ELN: variants seen among roughly 807,000 people sequenced by gnomAD.
The protein encoded by ELN is tropoelastin.
Under a neutral mutation model 105.8 loss-of-function variants are expected in ELN, and 65 were observed. The ratio of observed to expected loss-of-function variants is 0.61; its 90% CI spans 0.50 to 0.75. The LOEUF (loss-of-function observed/expected upper bound fraction) is 0.75, where lower values mean the gene tolerates loss of function less well. ELN is among the 30% of genes least tolerant of loss of function. ELN has a pLI of 0.00. For missense variants in ELN, 882 were observed against 969.4 expected (o/e 0.91, Z 1.20); for synonymous variants, 368 against 389.2 (o/e 0.95, Z 0.64).
intron 29 of ELN, among the ~76,000 whole-genome samples, chr7:74,064,526 G>A (rs183970956): frequency 8.6e-5 from 13 of 152,004 alleles, no homozygotes; most frequent in African/African-American, 3.1e-4. Flanking sequence ...TGAGACAGGA[G>A]AATCACTTGA....
At chr7:74,056,818 T>C (rs1401272057) in intron 21 of ELN, 105 bp downstream of exon 21, 6 of 1,486,314 alleles carry the variant, frequency 4.0e-6, no homozygotes, top group Middle Eastern at 1.7e-4. Flanking sequence ...TGAAATGGCC[T>C]GGACCAAGGT....
intron 19 of ELN, 40 bp downstream of exon 19, chr7:74,054,809 G>A (rs782771734): frequency 2.0e-5 from 32 of 1,611,124 alleles, no homozygotes; most frequent in Non-Finnish European, 2.4e-5. Flanking sequence ...CCCTGTCCTG[G>A]CCTTTACTTG....
At chr7:74,061,394 G>A (rs1170387743) in intron 26 of ELN, among the ~76,000 whole-genome samples, 1 of 152,174 alleles carries the variant, frequency 6.6e-6, no homozygotes, top group Non-Finnish European at 1.5e-5. Context: ...GCGGGCACCT[G>A]TAATCCCAGC....
rs782551181 is a variant in ELN, at chr7:74,063,687, G to A, written c.1985G>A (p.Gly662Asp). 3.1e-6 allele frequency: 5 copies of A among 1,614,172 alleles called. No individual in the cohort carries two copies. The highest frequency in any genetic ancestry group is 2.2e-5 in the South Asian group (2 of 91,086). The change falls in exon 29 of 33, where the codon GGC (glycine) becomes GAC (aspartate). Residue 662 changes from glycine (G) to aspartate (D), a missense_variant. Gly to Asp is a moderately conservative substitution (Grantham distance 94). Coordinates refer to ENST00000252034, the MANE Select transcript of ELN (RefSeq NM_000501.4). This position sits in a 1 kb window ranked among gnomAD's most constrained non-coding sequence, Gnocchi z 4.1. ...VGGLGVPGVG[G>D]LGGIPPAAAA... ...GGGCTTGGAGTTCCAGGTGTTGGGG[G>A]CCTTGGAGGTGAGAGTTGTTCTGAA... is the stretch of plus-strand genomic sequence containing the variant.
In ELN at chr7:74,068,871, C is replaced by A. The variant is rs781941957; in HGVS notation, c.*171C>A. ...ACAGGGCAAGGAAACAAGAGGGGAGCGGCCAAGTGCCCCGACCAGGAGGCC... is the reference window on the plus strand; with the variant it reads ...ACAGGGCAAGGAAACAAGAGGGGAGAGGCCAAGTGCCCCGACCAGGAGGCC... On this transcript the variant is annotated 3_prime_UTR_variant, in exon 33 of 33. Transcript: ENST00000252034. 4 of 776,546 alleles carry A rather than the reference C, an allele frequency of 5.2e-6. No individual in the cohort carries two copies. In the African/African-American group the frequency reaches 6.8e-5, roughly 13 times the overall value. The allele number at this position is 776,546 out of a possible 1,614,324, so 48.1% of individuals were successfully genotyped here. A position where few individuals can be genotyped will look rare whatever the true frequency, so the allele number is the denominator to read the frequency against.
intron 3 of ELN, 96 bp downstream of exon 3, chr7:74,036,680 G>A: frequency 6.5e-7 from 1 of 1,547,666 alleles, no homozygotes; most frequent in Non-Finnish European, 8.9e-7. Context: ...GGAGACCCGA[G>A]CATCAAGGAC....
chr7:74,049,265 T>C (rs1297303773), intron 15 of ELN, among the ~76,000 whole-genome samples: 1 of 150,758 alleles, frequency 6.6e-6, no homozygotes, highest in African/African-American at 2.5e-5. Flanking sequence ...CATCCATCCA[T>C]CCACTTATCC....
intron 4 of ELN, among the ~76,000 whole-genome samples, chr7:74,039,907 T>A (rs1297779271): frequency 8.5e-5 from 13 of 152,192 alleles, no homozygotes; most frequent in African/African-American, 2.9e-4. Context: ...AATCTAGAAC[T>A]CTCTGACTCT....
intron 9 of ELN, 119 bp from the exon 10 acceptor site, chr7:74,045,103 T>C (rs1390696454): frequency 8.9e-6 from 10 of 1,121,436 alleles, no homozygotes; most frequent in Admixed American, 1.7e-5. Flanking sequence ...CCGTGAGCCG[T>C]GCCTGTCACT....
chr7:74,066,066 G>A (rs1797878384), intron 31 of ELN, 69 bp downstream of exon 31: 3 of 1,607,244 alleles, frequency 1.9e-6, no homozygotes, highest in Non-Finnish European at 2.6e-6. Flanking sequence ...TGTCCATCTA[G>A]CAGTGGGGAC....
chr7:74,059,856 G>A (rs549194314), intron 22 of ELN, 30 bp from the exon 23 acceptor site: 6 of 1,000,314 alleles, frequency 6.0e-6, no homozygotes, highest in African/African-American at 3.2e-5. Flanking sequence ...TCAGGTCTTG[G>A]TTAATGATCA....
intron 21 of ELN, 128 bp from the exon 22 acceptor site, chr7:74,057,512 T>C (rs1554681017): frequency 6.3e-7 from 1 of 1,597,098 alleles, no homozygotes; most frequent in Non-Finnish European, 8.6e-7. Context: ...GTTTGTCTCA[T>C]GGAAGGGTCC....
In ELN at chr7:74,048,530, C is replaced by T. The variant is rs531144748; in HGVS notation, c.773C>T (p.Ala258Val). Residue 258 changes from alanine to valine, a missense_variant, in exon 15 of 33, where the codon GCG (alanine) becomes GTG (valine). Ala to Val is a moderately conservative substitution (Grantham distance 64, BLOSUM62 0). Coordinates refer to ENST00000252034, the MANE Select transcript of ELN (RefSeq NM_000501.4). ...GTTGGCCCCCAGGCAGCAGCAGCAG[C>T]GGCAGCTAAAGCAGCAGCAAAGTTC... ...TGVGPQAAAA[A>V]AAKAAAKFGA... 1.6e-5 allele frequency: 26 copies of T among 1,613,980 alleles called. No homozygotes were observed. The South Asian group carries it at 1.8e-4, about 11-fold the overall frequency.
At chr7:74,056,856 G>T in intron 21 of ELN, 143 bp downstream of exon 21, 2 of 1,046,038 alleles carry the variant, frequency 1.9e-6, no homozygotes, top group Non-Finnish European at 2.9e-6. Flanking sequence ...ATCTTCCAAA[G>T]CCACACTCCA....
intron 2 of ELN, 77 bp downstream of exon 2, chr7:74,035,491 C>A: frequency 6.4e-7 from 1 of 1,557,660 alleles, no homozygotes; most frequent in Non-Finnish European, 8.8e-7. Flanking sequence ...CATTTTGACA[C>A]TACAGAAGGT....
intron 4 of ELN, among the ~76,000 whole-genome samples, chr7:74,039,224 C>A (rs1378847285): frequency 6.6e-6 from 1 of 152,230 alleles, no homozygotes; most frequent in Admixed American, 6.5e-5. Flanking sequence ...AAAAGTGAAG[C>A]TTTTGTTAAT....
intron 17 of ELN, 112 bp downstream of exon 17, chr7:74,052,095 T>C: frequency 3.5e-6 from 4 of 1,152,676 alleles, no homozygotes; most frequent in South Asian, 2.5e-5. Flanking sequence ...AAATATGCAT[T>C]GTTCATGCCT....
intron 9 of ELN, among the ~76,000 whole-genome samples, chr7:74,044,969 G>A (rs1792121075): frequency 6.6e-6 from 1 of 152,150 alleles, no homozygotes; most frequent in Non-Finnish European, 1.5e-5. Flanking sequence ...CTCCAGCATA[G>A]AGATGAGGCT....
chr7:74,068,262 C>T (rs1297097672), intron 32 of ELN, among the ~76,000 whole-genome samples: 1 of 152,174 alleles, frequency 6.6e-6, no homozygotes, highest in East Asian at 1.9e-4. Flanking sequence ...ATGGGTCCAC[C>T]CCACTCCCTG....
Sources: allele counts gnomAD v4.1 joint callset (sites outside exome capture counted in the v4.1 genomes callset), GRCh38; gene constraint gnomAD v4.1.1; non-coding constraint Gnocchi (gnomAD v3.1); transcripts MANE v1.5; gene names NCBI Gene and HGNC (gene_info 2026-07-23, HGNC 2026-07-21).